The following AGA variants were observed in gnomAD, a reference collection of about 807,000 sequenced individuals.
AGA encodes N(4)-(beta-N-acetylglucosaminyl)-L-asparaginase.
In AGA, 31 loss-of-function variants were observed where a neutral mutation model predicts 40.1. That is an observed-to-expected ratio of 0.77 (90% CI 0.58 to 1.04). AGA has a LOEUF of 1.04. Among genes scored for constraint, AGA ranks in the 50% least tolerant of loss-of-function variants. The probability of loss-of-function intolerance (pLI) is 0.00; values close to 1 mark genes in which losing one functional copy is unlikely to be tolerated. For missense variants in AGA, 445 were observed against 435.4 expected, an observed-to-expected ratio of 1.02 and a Z score of -0.20; for synonymous variants, 148 against 144.0, an observed-to-expected ratio of 1.03 and a Z score of -0.20.
chr4:177,442,149 C>G, intron 1 of AGA, 100 bp downstream of exon 1: 1 of 1,549,906 alleles, frequency 6.5e-7, no homozygotes. Context: ...GCCCGGCGCT[C>G]TTCCGTCCGC....
chr4:177,437,190 C>G (rs112584145), intron 5 of AGA: 1 of 499,742 alleles, frequency 2.0e-6, no homozygotes, highest in Non-Finnish European at 3.6e-6. Context: ...TTTAAAAATC[C>G]GCAAGTGAAT....
chr4:177,440,151 G>A, intron 2 of AGA, 122 bp downstream of exon 2: 1 of 1,197,848 alleles, frequency 8.3e-7, no homozygotes, highest in Non-Finnish European at 1.2e-6. Flanking sequence ...GAAAGGTCAA[G>A]TATAATAAGC....
chr4:177,431,201 T>C lies in AGA; in HGVS notation c.*507A>G. ...AAAGAGTATCTCATGTTCTATCATCTTCCTTCCTCAAGTTTTTAGGGAATA... is the reference window on the plus strand; with the variant it reads ...AAAGAGTATCTCATGTTCTATCATCCTCCTTCCTCAAGTTTTTAGGGAATA... On this transcript the variant is annotated 3_prime_UTR_variant, in exon 9 of 9. Transcript: ENST00000264595. 2.3e-6 allele frequency: 1 copy of C among 441,352 alleles called. No individual in the cohort carries two copies. Among genetic ancestry groups the C allele is most frequent in the Non-Finnish European group, 4.5e-6 (1 of 222,646 alleles). 27.3% of individuals were successfully genotyped at this position (441,352 alleles called of 1,614,324 possible).
At position 177,436,270 on chromosome 4, in the gene AGA, A is replaced by T. The variant is rs1736812940; in HGVS notation, c.698+6T>A. 1 of 1,606,752 alleles carries T rather than the reference A, an allele frequency of 6.2e-7. No individual in the cohort carries two copies. Among genetic ancestry groups the T allele is most frequent in the Non-Finnish European group, 8.5e-7 (1 of 1,173,564 alleles). ...TTGAGAGCTCTGTTCTTTTGGAAAC[A>T]CTAACCCATGTATTTTGAATTTTAT... On this transcript the variant is annotated splice_donor_region_variant and intron_variant, in intron 6 of 8. Transcript: ENST00000264595.
rs1161823292 is a variant in AGA at position 177,430,998 on chromosome 4, G to C, written c.*710C>G. 4 of 453,836 alleles carry C rather than the reference G, an allele frequency of 8.8e-6. No individual in the cohort carries two copies. Among genetic ancestry groups the C allele is most frequent in the Non-Finnish European group, 1.8e-5 (4 of 226,770 alleles). 28.1% of individuals were successfully genotyped at this position (453,836 alleles called of 1,614,324 possible). On this transcript the variant is annotated 3_prime_UTR_variant, in exon 9 of 9. Coordinates refer to ENST00000264595, the MANE Select transcript of AGA (RefSeq NM_000027.4). ...TTAGTAAAATTACAGTACAGATCAA[G>C]TTCCCCAAATCATTTTTAAAAGAAA...
Position 177,434,629 on chromosome 4 carries a change from C to A in AGA, c.699-140G>T, listed in dbSNP as rs139658914. ...ATTCTTCATCGGAACAAAGACAGAACAGGTCTTCATTAGTTTTTTAACTAA... is the reference window on the plus strand; with the variant it reads ...ATTCTTCATCGGAACAAAGACAGAAAAGGTCTTCATTAGTTTTTTAACTAA... On this transcript the variant is annotated intron_variant, in intron 6 of 8. Coordinates refer to ENST00000264595, the MANE Select transcript of AGA (RefSeq NM_000027.4). 1.5e-3 allele frequency: 1,036 copies of A among 706,058 alleles called. 8 individuals are homozygous for A. The highest frequency in any genetic ancestry group is 0.014 in the African/African-American group (808 of 55,898). 43.7% of individuals were successfully genotyped at this position (706,058 alleles called of 1,614,324 possible). A position where few individuals can be genotyped will look rare whatever the true frequency, so the allele number is the denominator to read the frequency against.
chr4:177,439,661 T>G lies in AGA; in HGVS notation c.309A>C (p.Gly103=). The part of the protein sequence containing the change: ...DGTTMDVGAV[G]DLRRIKNAIG... ...TAGCATTTTTAATTCGTCTGAGATC[T>G]CCTACTGCTCCTACATCCATAGTAG... The change falls in exon 3 of 9, where the codon GGA becomes GGC. Residue 103 remains glycine, a synonymous_variant. Transcript: ENST00000264595. The G allele has an allele frequency of 6.2e-7, 1 of 1,610,282 alleles. No individual in the cohort carries two copies. Among genetic ancestry groups the G allele is most frequent in the Non-Finnish European group, 8.5e-7 (1 of 1,177,330 alleles).
chr4:177,433,738 C>G (rs748195859), intron 7 of AGA, among the ~76,000 whole-genome samples: 2 of 152,162 alleles, frequency 1.3e-5, no homozygotes, highest in African/African-American at 2.4e-5. Flanking sequence ...TAAAGGTACA[C>G]GATGACTGCA....
intron 4 of AGA, 89 bp downstream of exon 4, chr4:177,438,656 C>A: frequency 1.1e-6 from 1 of 894,346 alleles, no homozygotes; most frequent in Non-Finnish European, 1.8e-6. Context: ...TAACCAGTAC[C>A]CTGGACAACA....
At position 177,436,216 on chromosome 4, in the gene AGA, G is replaced by A. The variant is rs923840516; in HGVS notation, c.698+60C>T. On this transcript the variant is annotated intron_variant, in intron 6 of 8. Transcript: ENST00000264595. ...TGCTTTGCAACCCCCATAGCACCCG[G>A]CATATATTGCTCTGCATTCAGTGTA... The A allele has an allele frequency of 7.9e-6, 11 of 1,386,778 alleles. No homozygotes were observed. The African/African-American group carries it at 1.6e-4, about 20-fold the overall frequency. The allele number at this position is 1,386,778 out of a possible 1,614,324, so 85.9% of individuals were successfully genotyped here.
chr4:177,431,918 C>T, intron 8 of AGA, 110 bp from the exon 9 acceptor site: 2 of 887,052 alleles, frequency 2.3e-6, no homozygotes, highest in South Asian at 2.8e-5. Flanking sequence ...TACCTTATGT[C>T]TAAGCCACAT....
rs181701725 is a variant in AGA, at chr4:177,441,419, T to C, written c.127+830A>G. Among the ~76,000 whole-genome samples the C allele has an allele frequency of 2.6e-5, 4 of 152,286 alleles. No individual in the cohort carries two copies. The East Asian group carries it at 7.7e-4, about 29-fold the overall frequency. ...AGGAGGAGGGGTCTGAAAATGACTC[T>C]TCTGGTCATTAAGCAAATGAAAGAA... On this transcript the variant is annotated intron_variant, in intron 1 of 8. Coordinates refer to ENST00000264595, the MANE Select transcript of AGA (RefSeq NM_000027.4).
rs1171631726 is a variant in AGA at position 177,442,242 on chromosome 4, C to T, written c.127+7G>A. The T allele has an allele frequency of 6.2e-7, 1 of 1,613,616 alleles. No individual in the cohort carries two copies. The highest frequency in any genetic ancestry group is 8.5e-7 in the Non-Finnish European group (1 of 1,179,820). ...CGCAGCCGCCCGCCCAGGCCGCCAA[C>T]CCGCACCTGCTTCGGTTGCATTCTT... On this transcript the variant is annotated splice_region_variant and intron_variant, in intron 1 of 8. Transcript: ENST00000264595.
intron 1 of AGA, 144 bp from the exon 2 acceptor site, chr4:177,440,570 C>A: frequency 1.1e-6 from 1 of 898,796 alleles, no homozygotes; most frequent in Non-Finnish European, 1.6e-6. Flanking sequence ...TCAAGTGTTA[C>A]AAAGGAGTCA....
chr4:177,437,168 G>T, intron 5 of AGA: 1 of 479,950 alleles, frequency 2.1e-6, no homozygotes, highest in African/African-American at 1.9e-5. Flanking sequence ...AAAATGAAAT[G>T]TCAAATAAAG....
chr4:177,436,541 G>A (rs1365848708), intron 5 of AGA, among the ~76,000 whole-genome samples, 190 bp from the exon 6 acceptor site: 4 of 152,080 alleles, frequency 2.6e-5, no homozygotes, highest in African/African-American at 4.8e-5. Flanking sequence ...AGGTCATGAG[G>A]ACAGAGCCCC....
In AGA at chr4:177,442,379, TGACCACCGAAGA is replaced by T. The variant is rs1560952634; in HGVS notation, c.-16_-5del. On this transcript the variant is annotated 5_prime_UTR_variant, in exon 1 of 9. Coordinates refer to ENST00000264595, the MANE Select transcript of AGA (RefSeq NM_000027.4). Reference sequence around the variant, plus strand: ...GCAAGTTCGACTTCCGCGCCATCCCTGACCACCGAAGAGACCAGCGCGAGAAAAGTCCCGGCA... The same window carrying T: ...GCAAGTTCGACTTCCGCGCCATCCCTGACCAGCGCGAGAAAAGTCCCGGCA... 4 of 1,613,830 alleles carry T rather than the reference TGACCACCGAAGA, an allele frequency of 2.5e-6. No homozygotes were observed. Among genetic ancestry groups the T allele is most frequent in the Non-Finnish European group, 3.4e-6 (4 of 1,179,896 alleles).
intron 1 of AGA, among the ~76,000 whole-genome samples, chr4:177,441,687 G>T (rs907353653): frequency 1.3e-5 from 2 of 152,156 alleles, no homozygotes; most frequent in African/African-American, 4.8e-5. Flanking sequence ...AGTCACAGGA[G>T]GTGGGCCCCG....
intron 7 of AGA, among the ~76,000 whole-genome samples, chr4:177,433,858 C>T (rs1193826856): frequency 6.6e-6 from 1 of 151,698 alleles, no homozygotes; most frequent in Non-Finnish European, 1.5e-5. Flanking sequence ...AGAAATACTA[C>T]TTTATTTCAC....
Sources: allele counts gnomAD v4.1 joint callset (sites outside exome capture counted in the v4.1 genomes callset), GRCh38; gene constraint gnomAD v4.1.1; transcripts MANE v1.5; gene names NCBI Gene and HGNC (gene_info 2026-07-23, HGNC 2026-07-21).